The following WDR41 variants were observed in gnomAD, a reference collection of about 807,000 sequenced individuals.
WDR41 encodes the protein WD repeat domain 41.
Under a neutral mutation model 69.3 loss-of-function variants are expected in WDR41, and 63 were observed. The ratio of observed to expected loss-of-function variants is 0.91; its 90% CI spans 0.74 to 1.12. WDR41 has a LOEUF of 1.12. Among genes scored for constraint, WDR41 ranks in the 50% most tolerant of loss-of-function variants. The pLI, the probability that WDR41 is intolerant of heterozygous loss-of-function variation, is 0.00. For synonymous variants in WDR41, 185 were observed against 192.1 expected, an observed-to-expected ratio of 0.96 and a Z score of 0.31; for missense variants, 543 against 534.5, an observed-to-expected ratio of 1.02 and a Z score of -0.16.
chr5:77,567,906 A>G (rs996012799), intron 1 of WDR41, among the ~76,000 whole-genome samples: 9 of 151,900 alleles, frequency 5.9e-5, no homozygotes, highest in Non-Finnish European at 1.3e-4. Context: ...TGAAGGGTCC[A>G]TGGACCACAT....
At chr5:77,438,101 TCAGG>T (rs1164831024) in intron 10 of WDR41, 135 bp downstream of exon 10, 24 of 1,253,072 alleles carry the variant, frequency 1.9e-5, no homozygotes, top group Non-Finnish European at 2.3e-5. Context: ...GAGACAGCCC[TCAGG>T]CATTCTCCAT....
chr5:77,514,634 G>A (rs1802266358), intron 1 of WDR41, among the ~76,000 whole-genome samples: 1 of 152,266 alleles, frequency 6.6e-6, no homozygotes, highest in Non-Finnish European at 1.5e-5. Flanking sequence ...GTCAGTTAAT[G>A]ATAGCGACAC....
intron 2 of WDR41, among the ~76,000 whole-genome samples, chr5:77,489,251 C>G (rs563892857): frequency 6.6e-6 from 1 of 152,244 alleles, no homozygotes. Flanking sequence ...AATCACCAGA[C>G]ACGACACCCT....
rs552619795 is a variant in WDR41, at chr5:77,445,232, A to G, written c.698-4235T>C. Among the ~76,000 whole-genome samples, 3 of 152,220 alleles carry G rather than the reference A, an allele frequency of 2.0e-5. No homozygotes were observed. In the East Asian group the frequency reaches 5.8e-4, roughly 29 times the overall value. On this transcript the variant is annotated intron_variant, in intron 8 of 12. Coordinates refer to ENST00000296679, the MANE Select transcript of WDR41 (RefSeq NM_018268.4). ...ACCCTCCCAAGACTAAACCAGTAAG[A>G]AGTCGAATCCCTGAATAGACCAATA...
chr5:77,549,134 A>T (rs1364480239), intron 1 of WDR41, among the ~76,000 whole-genome samples: 1 of 151,752 alleles, frequency 6.6e-6, no homozygotes, highest in East Asian at 1.9e-4. Context: ...ACTCAGGGGG[A>T]AAGGGGGAAA....
intron 1 of WDR41, among the ~76,000 whole-genome samples, chr5:77,602,595 A>G (rs993248495): frequency 6.6e-6 from 1 of 151,932 alleles, no homozygotes; most frequent in African/African-American, 2.4e-5. Flanking sequence ...TTTTTTTTCT[A>G]TGATCAAATA....
intron 1 of WDR41, among the ~76,000 whole-genome samples, chr5:77,550,253 T>C (rs114022878): frequency 0.023 from 3,551 of 152,234 alleles, 117 homozygotes; most frequent in African/African-American, 0.078. Flanking sequence ...GTGATCTCAT[T>C]AAACTAAATA....
chr5:77,463,888 A>C (rs187502065), intron 3 of WDR41, among the ~76,000 whole-genome samples: 2 of 151,566 alleles, frequency 1.3e-5, no homozygotes, highest in East Asian at 1.9e-4. Context: ...ATTTTATCAC[A>C]GGCAAAGCCA....
chr5:77,539,000 T>G (rs561294146), intron 1 of WDR41, among the ~76,000 whole-genome samples: 1 of 152,248 alleles, frequency 6.6e-6, no homozygotes, highest in South Asian at 2.1e-4. Context: ...AAGTCTAAGA[T>G]TAAGGTACCA....
intron 1 of WDR41, among the ~76,000 whole-genome samples, chr5:77,576,839 C>A (rs1033206815): frequency 6.6e-6 from 1 of 152,086 alleles, no homozygotes; most frequent in Non-Finnish European, 1.5e-5. Context: ...CACTCTCAGA[C>A]CAATTACCTA....
intron 1 of WDR41, among the ~76,000 whole-genome samples, chr5:77,572,693 C>T (rs1580016408): frequency 2.6e-5 from 4 of 152,198 alleles, no homozygotes; most frequent in African/African-American, 9.6e-5. Context: ...CCACCTTCCC[C>T]ACTATAGTGA....
intron 1 of WDR41, among the ~76,000 whole-genome samples, chr5:77,584,241 C>A (rs564482714): frequency 1.3e-5 from 2 of 151,462 alleles, no homozygotes; most frequent in Admixed American, 6.6e-5. Context: ...ACAGGCAGGG[C>A]AATTAAGGAA....
At chr5:77,469,548 A>G (rs1800468270) in intron 2 of WDR41, among the ~76,000 whole-genome samples, 1 of 152,186 alleles carries the variant, frequency 6.6e-6, no homozygotes, top group South Asian at 2.1e-4. Context: ...AGCAGTTTGT[A>G]TACTCCATTA....
intron 1 of WDR41, among the ~76,000 whole-genome samples, chr5:77,523,953 A>T (rs1477092309): frequency 6.6e-6 from 1 of 152,212 alleles, no homozygotes; most frequent in African/African-American, 2.4e-5. Flanking sequence ...TTACCTAGGG[A>T]ATTGACAAAT....
chr5:77,452,590 C>T (rs1328739370), intron 6 of WDR41: 1 of 152,188 alleles, frequency 6.6e-6, no homozygotes, highest in African/African-American at 2.4e-5. Flanking sequence ...GACATCATGA[C>T]ATAAGGATCT....
chr5:77,557,954 A>C (rs1025979170), intron 1 of WDR41, among the ~76,000 whole-genome samples: 1 of 152,176 alleles, frequency 6.6e-6, no homozygotes, highest in African/African-American at 2.4e-5. Flanking sequence ...ATGCAAAATT[A>C]AACAACATAT....
At chr5:77,487,550 A>C (rs1052861785) in intron 2 of WDR41, among the ~76,000 whole-genome samples, 4 of 152,238 alleles carry the variant, frequency 2.6e-5, no homozygotes, top group African/African-American at 9.7e-5. Context: ...AAAAGTTAAG[A>C]AGCATGGTAC....
chr5:77,573,748 A>G (rs1376150447), intron 1 of WDR41, among the ~76,000 whole-genome samples: 1 of 152,190 alleles, frequency 6.6e-6, no homozygotes, highest in East Asian at 1.9e-4. Context: ...TTCCGACAGA[A>G]CTAGATGTGG....
At chr5:77,436,063 T>G (rs1029821980) in intron 12 of WDR41, among the ~76,000 whole-genome samples, 198 bp downstream of exon 12, 40 of 152,210 alleles carry the variant, frequency 2.6e-4, no homozygotes, top group African/African-American at 9.7e-4. Context: ...AATGCATTCC[T>G]TGTTTCCTCA....
Sources: gnomAD v4.1 joint callset for allele counts (sites outside exome capture counted in the v4.1 genomes callset) on GRCh38, gnomAD v4.1.1 for gene constraint, MANE v1.5 for transcripts, NCBI Gene and HGNC (gene_info 2026-07-23, HGNC 2026-07-21) for gene names.